PRELID2: variants seen among roughly 807,000 people sequenced by gnomAD.
The protein encoded by PRELID2 is PRELI domain-containing protein 2.
PRELID2 carries 25 observed loss-of-function variants against 28.4 expected under a neutral mutation model. The observed-to-expected ratio is 0.88, with a 90% CI of 0.64 to 1.23. The LOEUF is 1.23. Ranked by LOEUF, PRELID2 falls within the 50% of genes most tolerant of loss-of-function variation. The probability of loss-of-function intolerance (pLI) is 0.00; values close to 1 mark genes in which losing one functional copy is unlikely to be tolerated. For missense variants in PRELID2, 201 were observed against 214.4 expected (o/e 0.94, Z 0.39); for synonymous variants, 76 against 71.6 (o/e 1.06, Z -0.31).
In PRELID2 at chr5:145,562,783, G is replaced by GA. The variant is rs997845196; in HGVS notation, n.71-89469dup. Among the ~76,000 whole-genome samples the GA allele has an allele frequency of 2.7e-3, 393 of 146,600 alleles. 5 individuals carry two copies. The highest frequency in any genetic ancestry group is 0.011 in the Middle Eastern group (3 of 280). The stretch of plus-strand genomic sequence containing the variant: ...TGCGTTAACAGAGTTTACAGACACA[G>GA]AAAAAAAAAATGGAAGGAGAAGATG... On this transcript the variant is annotated intron_variant and non_coding_transcript_variant, in intron 1 of 2. Coordinates refer to the PRELID2 transcript ENST00000510259.
At chr5:145,807,737 C>G (rs1159680718) in intron 4 of PRELID2, among the ~76,000 whole-genome samples, 2 of 152,168 alleles carry the variant, frequency 1.3e-5, no homozygotes, top group East Asian at 3.9e-4. Context: ...TCCCATTTCA[C>G]CCCACAAGTA....
the PRELID2 span, among the ~76,000 whole-genome samples, chr5:145,412,292 C>T: frequency 1.3e-5 from 2 of 152,178 alleles, no homozygotes; most frequent in Non-Finnish European, 2.9e-5. Flanking sequence ...CACTTTGCTG[C>T]TTAGGAAATT....
At chr5:145,512,474 A>G (rs548842517) in intron 1 of PRELID2, among the ~76,000 whole-genome samples, 8 of 152,334 alleles carry the variant, frequency 5.3e-5, no homozygotes, top group Admixed American at 4.6e-4. Context: ...GGCATCTCTG[A>G]AAGAAAGGCA....
the PRELID2 span, among the ~76,000 whole-genome samples, chr5:145,368,692 T>C: frequency 6.6e-6 from 1 of 152,110 alleles, no homozygotes; most frequent in South Asian, 2.1e-4. Flanking sequence ...AAAGATGTAG[T>C]CACCCATAAC....
chr5:145,583,920 C>T (rs569601539), intron 1 of PRELID2, among the ~76,000 whole-genome samples: 20 of 151,944 alleles, frequency 1.3e-4, no homozygotes, highest in South Asian at 6.2e-4. Context: ...GCAGTCATCA[C>T]GGAATTAGAA....
the PRELID2 span, among the ~76,000 whole-genome samples, chr5:145,286,000 A>T: frequency 2.6e-5 from 4 of 152,146 alleles, no homozygotes; most frequent in African/African-American, 9.7e-5. Flanking sequence ...ATTTGATTTG[A>T]CTTCTCAGTC....
intron 1 of PRELID2, among the ~76,000 whole-genome samples, chr5:145,712,955 G>T (rs893453699): frequency 3.3e-5 from 5 of 151,722 alleles, no homozygotes; most frequent in Non-Finnish European, 7.4e-5. Context: ...CAGAGGAAAG[G>T]GTCAGTCAAG....
chr5:145,542,511 A>G (rs1420056260), intron 1 of PRELID2, among the ~76,000 whole-genome samples: 2 of 152,126 alleles, frequency 1.3e-5, no homozygotes, highest in East Asian at 1.9e-4. Context: ...GTACTTCACT[A>G]TTGGGAGAAA....
the PRELID2 span, among the ~76,000 whole-genome samples, chr5:145,452,456 A>C: frequency 6.6e-6 from 1 of 152,032 alleles, no homozygotes; most frequent in Non-Finnish European, 1.5e-5. Context: ...ATAACTTCTT[A>C]TTTTTTGGAC....
At chr5:145,507,281 A>C (rs1752420185) in intron 1 of PRELID2, among the ~76,000 whole-genome samples, 1 of 152,156 alleles carries the variant, frequency 6.6e-6, no homozygotes, top group Non-Finnish European at 1.5e-5. Context: ...AAAATAAAGG[A>C]TTTGGAATCA....
At chr5:145,657,983 C>G (rs1238208614) in intron 1 of PRELID2, among the ~76,000 whole-genome samples, 1 of 152,138 alleles carries the variant, frequency 6.6e-6, no homozygotes, top group Non-Finnish European at 1.5e-5. Context: ...ATATAAATAA[C>G]ATGCTCATAG....
chr5:145,640,215 G>A (rs532447081), intron 1 of PRELID2, among the ~76,000 whole-genome samples: 311 of 152,202 alleles, frequency 2.0e-3, no homozygotes, highest in African/African-American at 6.9e-3. Flanking sequence ...GGCCGGGCGC[G>A]GTGGCTCACG....
the PRELID2 span, among the ~76,000 whole-genome samples, chr5:145,322,676 A>G: frequency 1.1e-4 from 16 of 152,234 alleles, no homozygotes; most frequent in African/African-American, 3.6e-4. Context: ...CTGGGAATAT[A>G]ATAGAGATAA....
chr5:145,457,045 T>C, the PRELID2 span, among the ~76,000 whole-genome samples: 3 of 152,218 alleles, frequency 2.0e-5, no homozygotes, highest in African/African-American at 7.2e-5. Flanking sequence ...AAATGTGATA[T>C]ACTTTATTTT....
the PRELID2 span, among the ~76,000 whole-genome samples, chr5:145,425,267 T>C: frequency 6.6e-6 from 1 of 152,124 alleles, no homozygotes; most frequent in Non-Finnish European, 1.5e-5. Context: ...ACATGCTGGT[T>C]AGGTTGTGGA....
rs375820633 is a variant in PRELID2 at position 145,713,758 on chromosome 5, T to C, written n.70+51173A>G. ...TATGAGAGTTCTTCTGGCACATATA[T>C]ATATGCCAGAAGACAATGGAATTAC... On this transcript the variant is annotated intron_variant and non_coding_transcript_variant, in intron 1 of 2. Coordinates refer to the PRELID2 transcript ENST00000510259. Among the ~76,000 whole-genome samples, 52 of 147,556 alleles carry C rather than the reference T, an allele frequency of 3.5e-4. No homozygotes were observed. In the East Asian group the frequency reaches 9.3e-3, roughly 27 times the overall value.
chr5:145,608,648 C>T (rs920233014), intron 1 of PRELID2, among the ~76,000 whole-genome samples: 2 of 152,118 alleles, frequency 1.3e-5, no homozygotes, highest in South Asian at 2.1e-4. Flanking sequence ...ATGATCTGCC[C>T]CTTCTCCCTA....
At chr5:145,798,464 G>A (rs146286509) in intron 4 of PRELID2, among the ~76,000 whole-genome samples, 5 of 152,300 alleles carry the variant, frequency 3.3e-5, no homozygotes, top group Non-Finnish European at 7.4e-5. Context: ...AGACAGTGTG[G>A]TGATTCCTCA....
chr5:145,407,485 T>C, the PRELID2 span, among the ~76,000 whole-genome samples: 3 of 152,126 alleles, frequency 2.0e-5, no homozygotes, highest in African/African-American at 4.8e-5. Context: ...AGCTCAGACA[T>C]GCCTAACCCT....
Sources: gnomAD v4.1 joint callset for allele counts (sites outside exome capture counted in the v4.1 genomes callset) on GRCh38, gnomAD v4.1.1 for gene constraint, MANE v1.5 for transcripts, NCBI Gene and HGNC (gene_info 2026-07-23, HGNC 2026-07-21) for gene names.